The following GPHN variants were observed in gnomAD, a reference collection of about 807,000 sequenced individuals.
GPHN encodes gephyrin.
A neutral mutation model predicts 95.5 loss-of-function variants in GPHN; 17 were observed. The observed-to-expected ratio is 0.18, with a 90% CI of 0.12 to 0.27. The LOEUF (loss-of-function observed/expected upper bound fraction) is 0.27, where lower values mean the gene tolerates loss of function less well. GPHN is among the 10% of genes least tolerant of loss of function. The pLI is 1.00. For missense variants in GPHN, 660 were observed against 978.1 expected (o/e 0.67, Z 4.34); for synonymous variants, 320 against 322.5 (o/e 0.99, Z 0.08).
At chr14:67,362,859 A>G in the GPHN span, among the ~76,000 whole-genome samples, 1 of 152,326 alleles carries the variant, frequency 6.6e-6, no homozygotes, top group East Asian at 1.9e-4. Context: ...ACTACTATCT[A>G]TCTTTACTAT....
At chr14:67,343,391 A>T in the GPHN span, 3 of 1,612,410 alleles carry the variant, frequency 1.9e-6, no homozygotes, top group Admixed American at 5.0e-5. Flanking sequence ...TGGCATTTAC[A>T]CGCCTGTTGG....
the GPHN span, chr14:67,724,996 C>T: frequency 3.1e-6 from 4 of 1,305,520 alleles, no homozygotes; most frequent in Admixed American, 5.0e-5. Flanking sequence ...TGAAGGATGG[C>T]TGGGAGAATG....
intron 9 of GPHN, among the ~76,000 whole-genome samples, chr14:66,972,605 T>C (rs539373013): frequency 6.6e-6 from 1 of 151,976 alleles, no homozygotes; most frequent in South Asian, 2.1e-4. Context: ...TTTTAATTAA[T>C]TTAATTTTCC....
At chr14:66,930,055 C>G (rs1201442235) in intron 8 of GPHN, among the ~76,000 whole-genome samples, 1 of 152,188 alleles carries the variant, frequency 6.6e-6, no homozygotes, top group Non-Finnish European at 1.5e-5. Flanking sequence ...TTGTGACCAA[C>G]AGATTGTTAG....
At chr14:67,153,860 T>C (rs1002317065) in intron 18 of GPHN, among the ~76,000 whole-genome samples, 2 of 152,168 alleles carry the variant, frequency 1.3e-5, no homozygotes, top group Non-Finnish European at 1.5e-5. Context: ...GCTGCTTCAA[T>C]AGGTAAACAA....
chr14:67,206,167 G>C, the GPHN span, among the ~76,000 whole-genome samples: 7 of 152,002 alleles, frequency 4.6e-5, no homozygotes, highest in African/African-American at 1.2e-4. Flanking sequence ...CTGGGTAACA[G>C]TCACACCCTG....
At chr14:66,811,142 G>T (rs2060743118) in intron 3 of GPHN, among the ~76,000 whole-genome samples, 1 of 152,152 alleles carries the variant, frequency 6.6e-6, no homozygotes, top group Admixed American at 6.5e-5. Context: ...GATTTCAGAA[G>T]CAGGGAGGAG....
At chr14:66,545,713 G>T (rs1348207218) in intron 1 of GPHN, among the ~76,000 whole-genome samples, 1 of 141,964 alleles carries the variant, frequency 7.0e-6, no homozygotes, top group Admixed American at 6.8e-5. Flanking sequence ...CCTCCCGGAC[G>T]GGGTGGCTGG....
At chr14:67,734,014 C>T in the GPHN span, 1 of 586,678 alleles carries the variant, frequency 1.7e-6, no homozygotes, top group Non-Finnish European at 3.2e-6. Flanking sequence ...ACCTGACACT[C>T]TTGTGAGACT....
the GPHN span, chr14:67,650,870 A>T: frequency 9.4e-4 from 1,520 of 1,614,156 alleles, 3 homozygotes; most frequent in Admixed American, 1.2e-3. Flanking sequence ...CCAACTTCCT[A>T]CTCCCAGTTC....
the GPHN span, chr14:67,333,852 G>A: frequency 1.3e-5 from 2 of 152,410 alleles, no homozygotes; most frequent in African/African-American, 2.4e-5. Flanking sequence ...ATAGTTTTTT[G>A]TATACATGGG....
chr14:67,072,138 G>T (rs552801048), intron 11 of GPHN, among the ~76,000 whole-genome samples: 1 of 151,914 alleles, frequency 6.6e-6, no homozygotes, highest in East Asian at 1.9e-4. Flanking sequence ...TTAGTCTATA[G>T]AATTACATGA....
chr14:67,553,443 G>T, the GPHN span, among the ~76,000 whole-genome samples: 1 of 152,048 alleles, frequency 6.6e-6, no homozygotes, highest in East Asian at 1.9e-4. Flanking sequence ...AAGGATCCTG[G>T]GGCAGCTCAC....
chr14:67,427,262 TGTC>T, the GPHN span, among the ~76,000 whole-genome samples: 1 of 152,210 alleles, frequency 6.6e-6, no homozygotes, highest in Non-Finnish European at 1.5e-5. Context: ...ATCATCCTGT[TGTC>T]GACAATTTTA....
intron 17 of GPHN, among the ~76,000 whole-genome samples, chr14:67,142,726 T>C (rs1333382126): frequency 6.6e-6 from 1 of 152,158 alleles, no homozygotes; most frequent in East Asian, 1.9e-4. Context: ...TGAGGGTTCT[T>C]CAAAATCATG....
At chr14:66,833,122 C>G (rs184759690) in intron 4 of GPHN, among the ~76,000 whole-genome samples, 2 of 152,076 alleles carry the variant, frequency 1.3e-5, no homozygotes, top group African/African-American at 4.8e-5. Context: ...CTAATAAAGA[C>G]GTACACAAGT....
intron 17 of GPHN, among the ~76,000 whole-genome samples, chr14:67,129,543 C>G (rs971637248): frequency 2.6e-5 from 4 of 151,964 alleles, no homozygotes; most frequent in African/African-American, 9.7e-5. Flanking sequence ...TGCAATTGCT[C>G]AAATAATAAG....
chr14:67,354,542 C>T, the GPHN span, among the ~76,000 whole-genome samples: 1 of 151,980 alleles, frequency 6.6e-6, no homozygotes, highest in African/African-American at 2.4e-5. Context: ...ATGGTAATAG[C>T]AAAAGGGAGA....
At chr14:66,818,812 C>CTTA (rs199658577) in intron 3 of GPHN, among the ~76,000 whole-genome samples, 1,909 of 152,024 alleles carry the variant, frequency 0.013, 20 homozygotes, top group Non-Finnish European at 0.018. Flanking sequence ...GAGATGATAT[C>CTTA]TCGTTGTTTT....
Sources: gnomAD v4.1 joint callset for allele counts (sites outside exome capture counted in the v4.1 genomes callset) on GRCh38, gnomAD v4.1.1 for gene constraint, MANE v1.5 for transcripts, NCBI Gene and HGNC (gene_info 2026-07-23, HGNC 2026-07-21) for gene names.